SEMA3C: variants seen among roughly 807,000 people sequenced by gnomAD.
The protein encoded by SEMA3C is semaphorin-3C.
SEMA3C carries 47 observed loss-of-function variants against 89.4 expected under a neutral mutation model. The ratio of observed to expected loss-of-function variants is 0.53; its 90% CI spans 0.42 to 0.67. The LOEUF (loss-of-function observed/expected upper bound fraction) is 0.67. SEMA3C is among the 30% of genes least tolerant of loss of function. SEMA3C has a pLI of 0.00. For missense variants in SEMA3C, 839 were observed against 929.1 expected, an observed-to-expected ratio of 0.90 and a Z score of 1.26; for synonymous variants, 310 against 320.2, an observed-to-expected ratio of 0.97 and a Z score of 0.34.
intron 2 of SEMA3C, among the ~76,000 whole-genome samples, chr7:80,911,387 G>T (rs1792144415): frequency 6.6e-6 from 1 of 152,112 alleles, no homozygotes; most frequent in Non-Finnish European, 1.5e-5. Flanking sequence ...TAGGAAGAAT[G>T]CGAAAATGTA....
chr7:80,843,130 C>T (rs1790308738), intron 2 of SEMA3C, among the ~76,000 whole-genome samples: 1 of 152,020 alleles, frequency 6.6e-6, no homozygotes, highest in East Asian at 1.9e-4. Flanking sequence ...AGTTCTAATG[C>T]TCTATAGAAG....
At chr7:80,824,603 C>T (rs958536399) in intron 4 of SEMA3C, among the ~76,000 whole-genome samples, 6 of 152,146 alleles carry the variant, frequency 3.9e-5, no homozygotes, top group Middle Eastern at 3.2e-3. Flanking sequence ...TCAAACCTTT[C>T]TTAAATAACC....
chr7:80,865,816 A>G (rs927755899), intron 2 of SEMA3C, among the ~76,000 whole-genome samples: 13 of 152,166 alleles, frequency 8.5e-5, no homozygotes, highest in African/African-American at 2.9e-4. Context: ...AATAAAAAAG[A>G]ATGCATATCA....
chr7:80,780,177 T>G (rs1002232270), intron 12 of SEMA3C, among the ~76,000 whole-genome samples: 1 of 152,174 alleles, frequency 6.6e-6, no homozygotes. Flanking sequence ...ATCTCAAATA[T>G]GTATCAGGCA....
intron 11 of SEMA3C, among the ~76,000 whole-genome samples, chr7:80,792,807 C>A (rs1788974472): frequency 6.6e-6 from 1 of 152,106 alleles, no homozygotes; most frequent in African/African-American, 2.4e-5. Context: ...GCCATCAACT[C>A]TGCTGATAAG....
At chr7:80,866,379 T>G (rs1200917397) in intron 2 of SEMA3C, among the ~76,000 whole-genome samples, 1 of 152,154 alleles carries the variant, frequency 6.6e-6, no homozygotes, top group Non-Finnish European at 1.5e-5. Flanking sequence ...AGTTTCCTAG[T>G]TTAATGAAAG....
intron 2 of SEMA3C, among the ~76,000 whole-genome samples, chr7:80,866,654 T>A (rs763074063): frequency 6.6e-6 from 1 of 152,162 alleles, no homozygotes; most frequent in African/African-American, 2.4e-5. Flanking sequence ...GTCTATGCAT[T>A]CCAAAGAAGC....
Position 80,789,301 on chromosome 7 carries a change from T to C in SEMA3C, c.1354+5A>G. 1 of 1,610,332 alleles carries C rather than the reference T, an allele frequency of 6.2e-7. No homozygotes were observed. Among genetic ancestry groups the C allele is most frequent in the Non-Finnish European group, 8.5e-7 (1 of 1,177,312 alleles). ...TTAAAGCATATCTTGGGCTCAAATATTTACCTGTTCCGAGAAACAGGACAT... is the reference window on the plus strand; with the variant it reads ...TTAAAGCATATCTTGGGCTCAAATACTTACCTGTTCCGAGAAACAGGACAT... On this transcript the variant is annotated splice_donor_5th_base_variant and intron_variant, in intron 12 of 17. Transcript: ENST00000265361.
chr7:80,763,483 C>T (rs937429570), intron 13 of SEMA3C, among the ~76,000 whole-genome samples: 2 of 152,070 alleles, frequency 1.3e-5, no homozygotes, highest in South Asian at 4.1e-4. Flanking sequence ...GGGCTGATGT[C>T]CCCCACGTGC....
In SEMA3C at chr7:80,818,350, A is replaced by G. The variant is rs764501252; in HGVS notation, c.396T>C (p.Ser132=). Residue 132 remains serine (S), a synonymous_variant, in exon 5 of 18, where the codon AGT becomes AGC. Transcript: ENST00000265361. ...AAGTACAGACAGGACTGAAAGCGCC[A>G]CTCCCACAGACATACAAATGTGTGC... ...FNRTHLYVCG[S]GAFSPVCTYL... 6.9e-5 allele frequency: 112 copies of G among 1,613,646 alleles called. 1 individual carries two copies. In the Admixed American group the frequency reaches 1.8e-3, roughly 25 times the overall value.
At chr7:80,899,016 A>G (rs1298717545) in intron 2 of SEMA3C, among the ~76,000 whole-genome samples, 2 of 152,156 alleles carry the variant, frequency 1.3e-5, no homozygotes, top group Non-Finnish European at 1.5e-5. Flanking sequence ...TTCACTAAAT[A>G]AACATTCTTA....
intron 15 of SEMA3C, among the ~76,000 whole-genome samples, chr7:80,754,957 G>GTTTTTTTTTTTGTTTTTTTTGTT (rs1788027360): frequency 6.5e-5 from 7 of 108,388 alleles, no homozygotes; most frequent in African/African-American, 2.5e-4. Flanking sequence ...GTTTTTTTTT[G>GTTTTTTTTTTTGTTTTTTTTGTT]TTTTTTTTTT....
intron 13 of SEMA3C, among the ~76,000 whole-genome samples, chr7:80,763,937 T>C (rs1788241080): frequency 6.6e-6 from 1 of 152,166 alleles, no homozygotes; most frequent in South Asian, 2.1e-4. Flanking sequence ...AACACACCAA[T>C]CACAAAGAAC....
At chr7:80,758,871 C>T (rs765838662) in intron 14 of SEMA3C, among the ~76,000 whole-genome samples, 10 of 151,914 alleles carry the variant, frequency 6.6e-5, no homozygotes, top group South Asian at 6.2e-4. Context: ...TGGGGCAACA[C>T]GTTACTTTGT....
At chr7:80,820,606 A>G (rs376276576) in intron 4 of SEMA3C, among the ~76,000 whole-genome samples, 128 of 152,302 alleles carry the variant, frequency 8.4e-4, no homozygotes, top group African/African-American at 2.9e-3. Flanking sequence ...AGTCAAAGAA[A>G]TTAATCCTTA....
intron 12 of SEMA3C, among the ~76,000 whole-genome samples, chr7:80,788,685 G>A (rs1788861372): frequency 6.6e-6 from 1 of 152,074 alleles, no homozygotes; most frequent in Non-Finnish European, 1.5e-5. Flanking sequence ...TATTAAAAGA[G>A]TGCCATCAAT....
At position 80,804,055 on chromosome 7, in the gene SEMA3C, T is replaced by C. The variant is rs570261170; in HGVS notation, c.801+51A>G. 6.8e-4 allele frequency: 1,020 copies of C among 1,501,308 alleles called. 5 individuals carry two copies. The South Asian group carries it at 0.013, about 20-fold the overall frequency. 93.0% of individuals were successfully genotyped at this position (1,501,308 alleles called of 1,614,324 possible). A position where few individuals can be genotyped will look rare whatever the true frequency, so the allele number is the denominator to read the frequency against. On this transcript the variant is annotated intron_variant, in intron 8 of 17. Transcript: ENST00000265361. ...ATAATAAAAGCACGGAGATAAACCA[T>C]AATTTGAATTTCTTGGTCTTTCTTC...
At chr7:80,879,838 G>C (rs977742090) in intron 2 of SEMA3C, among the ~76,000 whole-genome samples, 6 of 152,130 alleles carry the variant, frequency 3.9e-5, no homozygotes, top group African/African-American at 1.4e-4. Flanking sequence ...GTTTGAACAA[G>C]TGACCAAACC....
At position 80,751,286 on chromosome 7, in the gene SEMA3C, C is replaced by T. The variant is rs144626957; in HGVS notation, c.1694G>A (p.Arg565Lys). Residue 565 changes from arginine (R) to lysine (K), a missense_variant, in exon 16 of 18, where the codon AGA becomes AAA. Coordinates refer to ENST00000265361, the MANE Select transcript of SEMA3C (RefSeq NM_006379.5). Reference protein sequence around the residue: ...VRHGNPLTQCRGFNLKAYRNA... With the variant: ...VRHGNPLTQCKGFNLKAYRNA... ...TTTAATACCTTTTAGATTAAATCCT[C>T]TGCATTGAGTCAGTGGGTTTCCATG... 6.2e-7 allele frequency: 1 copy of T among 1,613,850 alleles called. No homozygotes were observed. Among genetic ancestry groups the T allele is most frequent in the Non-Finnish European group, 8.5e-7 (1 of 1,179,914 alleles).
Sources: allele counts gnomAD v4.1 joint callset (sites outside exome capture counted in the v4.1 genomes callset), GRCh38; gene constraint gnomAD v4.1.1; transcripts MANE v1.5; gene names NCBI Gene and HGNC (gene_info 2026-07-23, HGNC 2026-07-21).